The following TJP3 variants were observed in gnomAD, a reference collection of about 807,000 sequenced individuals.
TJP3 encodes the protein tight junction protein ZO-3.
A neutral mutation model predicts 104.2 loss-of-function variants in TJP3; 85 were observed. That is an observed-to-expected ratio of 0.82 (90% CI 0.68 to 0.98). The LOEUF (loss-of-function observed/expected upper bound fraction) is 0.98, where lower values mean the gene tolerates loss of function less well. Among genes scored for constraint, TJP3 ranks in the 50% least tolerant of loss-of-function variants. The probability of loss-of-function intolerance (pLI) is 0.00; values close to 1 mark genes in which losing one functional copy is unlikely to be tolerated. For synonymous variants in TJP3, 550 were observed against 550.6 expected, an observed-to-expected ratio of 1.00 and a Z score of 0.02; for missense variants, 1,367 against 1,322.8, an observed-to-expected ratio of 1.03 and a Z score of -0.52.
Position 3,750,206 on chromosome 19 carries a change from T to C in TJP3, c.2657+22T>C, listed in dbSNP as rs556067456. On this transcript the variant is annotated intron_variant, in intron 20 of 20. Coordinates refer to ENST00000541714, the MANE Select transcript of TJP3 (RefSeq NM_001267560.2). The stretch of plus-strand genomic sequence containing the variant: ...TGCGGTAAGAACCCCATATTCCAGA[T>C]TGGGGCCCTCAACCCTTCCCTTGGG... The C allele has an allele frequency of 6.0e-5, 93 of 1,548,864 alleles. 1 individual carries two copies. Among genetic ancestry groups the C allele is most frequent in the South Asian group, 2.0e-4 (18 of 88,682 alleles).
At chr19:3,731,434 A>T (rs2036669458) in intron 5 of TJP3, among the ~76,000 whole-genome samples, 1 of 152,034 alleles carries the variant, frequency 6.6e-6, no homozygotes, top group African/African-American at 2.4e-5. Flanking sequence ...GTAGTTCTAG[A>T]CCAGCCTGAC....
At position 3,743,933 on chromosome 19, in the gene TJP3, C is replaced by A; in HGVS notation, c.1844-6C>A. On this transcript the variant is annotated splice_polypyrimidine_tract_variant and splice_region_variant and intron_variant, in intron 14 of 20. Transcript: ENST00000541714. ...CTGATTCTTTCACTGTGTCTCTACC[C>A]CTCAGCCAGTTTCAAGCGCCCGGTA... The A allele has an allele frequency of 6.2e-7, 1 of 1,613,966 alleles. No homozygotes were observed. Among genetic ancestry groups the A allele is most frequent in the African/African-American group, 1.3e-5 (1 of 75,028 alleles).
chr19:3,743,762 G>A (rs535945653), intron 14 of TJP3, 177 bp from the exon 15 acceptor site: 13 of 583,704 alleles, frequency 2.2e-5, no homozygotes, highest in Non-Finnish European at 4.0e-5. Flanking sequence ...CCATTATTTG[G>A]TCATAAGGCT....
At chr19:3,743,283 A>T (rs2036846573) in intron 14 of TJP3, among the ~76,000 whole-genome samples, 1 of 152,096 alleles carries the variant, frequency 6.6e-6, no homozygotes, top group South Asian at 2.1e-4. Context: ...AGTAAATAAA[A>T]TAAAAGAAAG....
At position 3,733,873 on chromosome 19, in the gene TJP3, C is replaced by A. The variant is rs567056144; in HGVS notation, c.838C>A (p.Pro280Thr). ...TCGTGGGCAGTTCCTGGTGAACATT[C>A]CGCCTGCTGTCAGTGACAGCGACAG... ...RDRGQFLVNI[P>T]PAVSDSDSSP... The change falls in exon 7 of 21, where the codon CCG (proline) becomes ACG (threonine). Residue 280 changes from proline to threonine, a missense_variant. Coordinates refer to ENST00000541714, the MANE Select transcript of TJP3 (RefSeq NM_001267560.2). 1 of 1,614,198 alleles carries A rather than the reference C, an allele frequency of 6.2e-7. No homozygotes were observed. Among genetic ancestry groups the A allele is most frequent in the Admixed American group, 1.7e-5 (1 of 60,022 alleles).
intron 1 of TJP3, among the ~76,000 whole-genome samples, chr19:3,712,053 C>T (rs573613840): frequency 2.0e-4 from 31 of 152,190 alleles, no homozygotes; most frequent in East Asian, 7.8e-4. Flanking sequence ...CGGTGGCTCA[C>T]GCCTGTAATC....
chr19:3,724,931 T>C (rs1442220615), intron 1 of TJP3, among the ~76,000 whole-genome samples: 2 of 144,438 alleles, frequency 1.4e-5, no homozygotes, highest in Non-Finnish European at 3.0e-5. Context: ...AGAAAAAGAG[T>C]AAATAATCAG....
Sources: allele counts gnomAD v4.1 joint callset (sites outside exome capture counted in the v4.1 genomes callset), GRCh38; gene constraint gnomAD v4.1.1; transcripts MANE v1.5; gene names NCBI Gene and HGNC (gene_info 2026-07-23, HGNC 2026-07-21).